The following MAPK10 variants were observed in gnomAD, a reference collection of about 807,000 sequenced individuals.
The protein encoded by MAPK10 is JNK3 alpha protein kinase.
Under a neutral mutation model 59.3 loss-of-function variants are expected in MAPK10, and 25 were observed. That is an observed-to-expected ratio of 0.42 (90% CI 0.31 to 0.59). The LOEUF (loss-of-function observed/expected upper bound fraction) is 0.59. MAPK10 is among the 20% of genes least tolerant of loss of function. The probability of loss-of-function intolerance (pLI) is 0.15; values close to 1 mark genes in which losing one functional copy is unlikely to be tolerated. For synonymous variants in MAPK10, 190 were observed against 200.5 expected (o/e 0.95, Z 0.44); for missense variants, 351 against 568.9 (o/e 0.62, Z 3.90).
chr4:86,212,659 T>C (rs2086170468), intron 2 of MAPK10, among the ~76,000 whole-genome samples: 2 of 152,054 alleles, frequency 1.3e-5, no homozygotes, highest in African/African-American at 4.8e-5. Context: ...TAATAAAGCA[T>C]TCAATATAAA....
At chr4:86,258,582 A>G (rs1402135603) in intron 2 of MAPK10, among the ~76,000 whole-genome samples, 1 of 152,090 alleles carries the variant, frequency 6.6e-6, no homozygotes, top group Non-Finnish European at 1.5e-5. Context: ...TCCTCACCAT[A>G]AATTTATGCC....
At chr4:86,237,410 A>G (rs2092347616) in intron 2 of MAPK10, among the ~76,000 whole-genome samples, 1 of 152,184 alleles carries the variant, frequency 6.6e-6, no homozygotes, top group Non-Finnish European at 1.5e-5. Context: ...TTCTGGTTCT[A>G]GATCCTTGAA....
In MAPK10 at chr4:86,256,890, G is replaced by A. The variant is rs1013553551; in HGVS notation, c.-6-62483C>T. ...CGAGTAGCTGGGACTACAGGCGCCC[G>A]CCATTGCGCCCGCCATTGCGCCCGT... is the stretch of plus-strand genomic sequence containing the variant. On this transcript the variant is annotated intron_variant, in intron 2 of 13. Transcript: ENST00000641462. 4.1e-5 allele frequency among the ~76,000 whole-genome samples: 3 copies of A among 73,270 alleles called. No individual in the cohort carries two copies. The South Asian group carries it at 1.0e-3, about 25-fold the overall frequency. 48.1% of individuals were successfully genotyped at this position (73,270 alleles called of 152,430 possible). A position where few individuals can be genotyped will look rare whatever the true frequency, so the allele number is the denominator to read the frequency against.
intron 1 of MAPK10, among the ~76,000 whole-genome samples, chr4:86,452,316 G>C (rs1338100160): frequency 6.6e-6 from 1 of 152,188 alleles, no homozygotes; most frequent in Non-Finnish European, 1.5e-5. Flanking sequence ...CTATTAAGTG[G>C]TTAGTGCCAA....
intron 2 of MAPK10, among the ~76,000 whole-genome samples, chr4:86,285,742 G>A (rs1006857532): frequency 2.0e-5 from 3 of 152,118 alleles, no homozygotes; most frequent in Non-Finnish European, 4.4e-5. Flanking sequence ...CACAATTTAT[G>A]AAAGCCAAAA....
intron 4 of MAPK10, chr4:86,120,431 A>G (rs1410202662): frequency 1.3e-5 from 2 of 152,224 alleles, no homozygotes; most frequent in Non-Finnish European, 2.9e-5. Flanking sequence ...AAGATTATTC[A>G]CCTTAATCAA....
intron 2 of MAPK10, among the ~76,000 whole-genome samples, chr4:86,352,771 G>A (rs1030054203): frequency 3.3e-5 from 5 of 152,024 alleles, no homozygotes; most frequent in South Asian, 2.1e-4. Context: ...TCTTCTATGC[G>A]TATGGTATAT....
chr4:86,177,918 T>C (rs1398598015), intron 3 of MAPK10, among the ~76,000 whole-genome samples: 2 of 152,074 alleles, frequency 1.3e-5, no homozygotes, highest in Non-Finnish European at 2.9e-5. Flanking sequence ...ACTAATCAAG[T>C]CATCTAATAA....
rs141171916 is a variant in MAPK10 at position 86,037,168 on chromosome 4, T to C, written c.1111-5737A>G. Among the ~76,000 whole-genome samples, 4 of 152,362 alleles carry C rather than the reference T, an allele frequency of 2.6e-5. No homozygotes were observed. In the East Asian group the frequency reaches 5.8e-4, roughly 22 times the overall value. The stretch of plus-strand genomic sequence containing the variant: ...TGTGGGCATTCTATGGAGTTCTTGC[T>C]GTTGGCCATGACTTTCTACTAAAGC... On this transcript the variant is annotated intron_variant, in intron 11 of 13. Transcript: ENST00000641462.
chr4:86,318,991 T>A (rs527746211), intron 2 of MAPK10, among the ~76,000 whole-genome samples: 25 of 152,298 alleles, frequency 1.6e-4, no homozygotes, highest in African/African-American at 6.0e-4. Context: ...TTATTGAATC[T>A]ATGTTTATTG....
At chr4:86,539,935 G>A (rs1758543368) in intron 1 of MAPK10, among the ~76,000 whole-genome samples, 3 of 152,254 alleles carry the variant, frequency 2.0e-5, no homozygotes, top group South Asian at 4.2e-4. Context: ...AAGCAAATCC[G>A]ATGCAGCCCT....
intron 1 of MAPK10, among the ~76,000 whole-genome samples, chr4:86,551,054 A>ACT (rs1304544136): frequency 2.0e-5 from 3 of 152,144 alleles, no homozygotes; most frequent in Admixed American, 6.5e-5. Flanking sequence ...TTAAAGAAGA[A>ACT]CTCTGTGAAC....
At chr4:86,322,424 C>T (rs560869939) in intron 2 of MAPK10, among the ~76,000 whole-genome samples, 9 of 152,256 alleles carry the variant, frequency 5.9e-5, no homozygotes, top group South Asian at 2.1e-4. Context: ...TGTGCAGTTA[C>T]GAACGTCTAA....
intron 10 of MAPK10, among the ~76,000 whole-genome samples, chr4:86,066,770 A>G (rs1011063829): frequency 4.4e-4 from 66 of 150,188 alleles, no homozygotes; most frequent in African/African-American, 4.4e-4. Flanking sequence ...AAAAAAAAAA[A>G]AAAAAGAAAG....
intron 1 of MAPK10, among the ~76,000 whole-genome samples, chr4:86,436,211 G>A (rs1748696084): frequency 6.6e-6 from 1 of 152,070 alleles, no homozygotes; most frequent in Non-Finnish European, 1.5e-5. Context: ...AAGTGTAAAG[G>A]GCTCTGAGTA....
chr4:86,431,823 A>C (rs1200602635), intron 1 of MAPK10, among the ~76,000 whole-genome samples: 1 of 152,202 alleles, frequency 6.6e-6, no homozygotes, highest in African/African-American at 2.4e-5. Flanking sequence ...ATGCCTCTCC[A>C]TGGGACCCGT....
intron 1 of MAPK10, among the ~76,000 whole-genome samples, chr4:86,372,556 G>A (rs1481313166): frequency 8.9e-5 from 1 of 11,182 alleles, no homozygotes; most frequent in Admixed American, 1.1e-3. Flanking sequence ...AAGAAAGAAA[G>A]AAAGAAAGAA....
intron 9 of MAPK10, among the ~76,000 whole-genome samples, chr4:86,072,151 G>C (rs2048161787): frequency 6.6e-6 from 1 of 150,914 alleles, no homozygotes; most frequent in South Asian, 2.1e-4. Flanking sequence ...TCTCTTTGAA[G>C]CAATTGTGAA....
chr4:86,491,824 A>C (rs1754475511), intron 1 of MAPK10, among the ~76,000 whole-genome samples: 1 of 152,192 alleles, frequency 6.6e-6, no homozygotes, highest in South Asian at 2.1e-4. Flanking sequence ...TCCTAACAGC[A>C]AAAGAAAACT....
Sources: gnomAD v4.1 joint callset for allele counts (sites outside exome capture counted in the v4.1 genomes callset) on GRCh38, gnomAD v4.1.1 for gene constraint, MANE v1.5 for transcripts, NCBI Gene and HGNC (gene_info 2026-07-23, HGNC 2026-07-21) for gene names.